LRRTM4: variants seen among roughly 807,000 people sequenced by gnomAD.
The protein encoded by LRRTM4 is leucine rich repeat transmembrane neuronal 4, also known as leucine-rich repeat transmembrane neuronal protein 4.
LRRTM4 carries 25 observed loss-of-function variants against 47.6 expected under a neutral mutation model. The observed-to-expected ratio is 0.53, with a 90% CI of 0.38 to 0.73. The LOEUF is 0.73. LRRTM4 is among the 30% of genes least tolerant of loss of function. The pLI is 0.00. For synonymous variants in LRRTM4, 311 were observed against 269.5 expected (o/e 1.15, Z -1.51); for missense variants, 638 against 713.4 (o/e 0.89, Z 1.20).
At chr2:77,255,096 A>C (rs775949486) in intron 3 of LRRTM4, among the ~76,000 whole-genome samples, 5 of 152,010 alleles carry the variant, frequency 3.3e-5, no homozygotes, top group Non-Finnish European at 7.4e-5. Context: ...ATATATAAAG[A>C]ATATGTGCAT....
At chr2:77,017,402 C>G (rs889299663) in intron 3 of LRRTM4, among the ~76,000 whole-genome samples, 2 of 152,126 alleles carry the variant, frequency 1.3e-5, no homozygotes, top group African/African-American at 4.8e-5. Flanking sequence ...CATACATCTC[C>G]TTTTCCATTT....
At chr2:76,909,428 G>T (rs1464019827) in intron 3 of LRRTM4, among the ~76,000 whole-genome samples, 1 of 151,958 alleles carries the variant, frequency 6.6e-6, no homozygotes, top group African/African-American at 2.4e-5. Context: ...CAGGACATAG[G>T]CATGGGCAAG....
chr2:77,367,580 T>C (rs1672509645), intron 3 of LRRTM4, among the ~76,000 whole-genome samples: 1 of 151,880 alleles, frequency 6.6e-6, no homozygotes, highest in African/African-American at 2.4e-5. Flanking sequence ...TCTTGGAAAC[T>C]GTGTTTCAGT....
In LRRTM4 at chr2:77,522,315, C is replaced by A; in HGVS notation, c.-354G>T. The A allele has an allele frequency of 1.9e-6, 1 of 523,184 alleles. No individual in the cohort carries two copies. The highest frequency in any genetic ancestry group is 3.4e-6 in the Non-Finnish European group (1 of 293,986). The allele number at this position is 523,184 out of a possible 1,614,324, so 32.4% of individuals were successfully genotyped here. On this transcript the variant is annotated 5_prime_UTR_variant, in exon 1 of 4. Coordinates refer to ENST00000409884, the MANE Select transcript of LRRTM4 (RefSeq NM_001134745.3). ...GGCAGCCCTTGTCTAATTCAGAAGGCTTTCCAGAGACTGATGATGCTCAGA... is the reference window on the plus strand; with the variant it reads ...GGCAGCCCTTGTCTAATTCAGAAGGATTTCCAGAGACTGATGATGCTCAGA...
rs566161204 is a variant in LRRTM4, at chr2:77,264,751, G to T, written c.1551+253567C>A. On this transcript the variant is annotated intron_variant, in intron 3 of 3. Transcript: ENST00000409884. The stretch of plus-strand genomic sequence containing the variant: ...AATCTATTCAAACCAACCCTAAAAT[G>T]AGGCCCCTTATATAAACACACAACA... Among the ~76,000 whole-genome samples the T allele has an allele frequency of 6.6e-5, 10 of 152,118 alleles. No individual in the cohort carries two copies. In the East Asian group the frequency reaches 1.6e-3, roughly 24 times the overall value.
chr2:77,498,944 C>T (rs10183593), intron 3 of LRRTM4, among the ~76,000 whole-genome samples: 49,111 of 151,640 alleles, frequency 0.32, 8,121 homozygotes, highest in Middle Eastern at 0.36. Context: ...CAGATCTCTA[C>T]ATAGATTACT....
In LRRTM4 at chr2:77,486,181, C is replaced by T. The variant is rs543690252; in HGVS notation, c.1551+32137G>A. Among the ~76,000 whole-genome samples the T allele has an allele frequency of 3.3e-5, 5 of 152,256 alleles. No homozygotes were observed. In the East Asian group the frequency reaches 9.6e-4, roughly 29 times the overall value. On this transcript the variant is annotated intron_variant, in intron 3 of 3. Coordinates refer to ENST00000409884, the MANE Select transcript of LRRTM4 (RefSeq NM_001134745.3). ...ACTGCTTCACATTGATTGGAATATC[C>T]ATTTCTTTCCAATTCAATAAAGCAT...
chr2:76,908,766 C>T (rs1432894546), intron 3 of LRRTM4, among the ~76,000 whole-genome samples: 1 of 151,930 alleles, frequency 6.6e-6, no homozygotes, highest in Non-Finnish European at 1.5e-5. Flanking sequence ...GAATAAAATA[C>T]CTAGGAATCC....
chr2:76,991,493 T>G (rs1677007677), intron 3 of LRRTM4, among the ~76,000 whole-genome samples: 1 of 151,744 alleles, frequency 6.6e-6, no homozygotes, highest in African/African-American at 2.4e-5. Flanking sequence ...TCTCCAACAC[T>G]GTTATGAACA....
chr2:77,334,294 GA>G (rs1671080720), intron 3 of LRRTM4, among the ~76,000 whole-genome samples: 1 of 152,072 alleles, frequency 6.6e-6, no homozygotes, highest in Non-Finnish European at 1.5e-5. Context: ...GAAATATGAG[GA>G]AATGAGATTT....
chr2:76,786,387 C>CT (rs1157130021), intron 3 of LRRTM4, among the ~76,000 whole-genome samples: 2 of 151,888 alleles, frequency 1.3e-5, no homozygotes, highest in Non-Finnish European at 2.9e-5. Flanking sequence ...ATTGGTCCCC[C>CT]AAGACTCCTA....
At chr2:77,359,523 T>C (rs755251458) in intron 3 of LRRTM4, among the ~76,000 whole-genome samples, 1 of 152,312 alleles carries the variant, frequency 6.6e-6, no homozygotes, top group Non-Finnish European at 1.5e-5. Flanking sequence ...TTCTAATTGA[T>C]AAAAAATGTG....
intron 3 of LRRTM4, among the ~76,000 whole-genome samples, chr2:76,769,430 G>A (rs952766946): frequency 1.3e-5 from 2 of 151,888 alleles, no homozygotes; most frequent in African/African-American, 2.4e-5. Context: ...TTCTCTATTG[G>A]GAGTAGTTGA....
At position 76,748,636 on chromosome 2, in the gene LRRTM4, T is replaced by G. The variant is rs549115336; in HGVS notation, c.*59A>C. 890 of 1,377,882 alleles carry G rather than the reference T, an allele frequency of 6.5e-4. 1 individual carries two copies. The highest frequency in any genetic ancestry group is 1.9e-3 in the Admixed American group (112 of 59,052). The allele number at this position is 1,377,882 out of a possible 1,614,324, so 85.4% of individuals were successfully genotyped here. A position where few individuals can be genotyped will look rare whatever the true frequency, so the allele number is the denominator to read the frequency against. On this transcript the variant is annotated 3_prime_UTR_variant, in exon 4 of 4. Transcript: ENST00000409884. ...GCGATTGTGGACACCCATTCTCCTT[T>G]AAGATGAAGGCCCTCCCTCCCCCCC...
chr2:77,487,730 G>A (rs1226310903), intron 3 of LRRTM4, among the ~76,000 whole-genome samples: 1 of 152,134 alleles, frequency 6.6e-6, no homozygotes, highest in Admixed American at 6.5e-5. Flanking sequence ...CCAGTTCCCC[G>A]GAAATGGAGT....
intron 3 of LRRTM4, among the ~76,000 whole-genome samples, chr2:77,092,295 C>T (rs1224045304): frequency 2.0e-5 from 3 of 152,046 alleles, no homozygotes; most frequent in Admixed American, 6.5e-5. Context: ...ATCCACCTGA[C>T]ATTCACCCCA....
intron 3 of LRRTM4, among the ~76,000 whole-genome samples, chr2:76,999,554 A>G (rs1677339255): frequency 6.6e-6 from 1 of 152,114 alleles, no homozygotes; most frequent in Non-Finnish European, 1.5e-5. Context: ...TAGGCGGGCC[A>G]AAACAGAGAT....
intron 3 of LRRTM4, among the ~76,000 whole-genome samples, chr2:77,117,113 A>G (rs1671408383): frequency 6.6e-6 from 1 of 152,122 alleles, no homozygotes; most frequent in Non-Finnish European, 1.5e-5. Flanking sequence ...TATCCATTTT[A>G]CAGCATGTTT....
chr2:77,418,547 T>G (rs1373305777), intron 3 of LRRTM4, among the ~76,000 whole-genome samples: 1 of 152,184 alleles, frequency 6.6e-6, no homozygotes, highest in Non-Finnish European at 1.5e-5. Context: ...CCAGTGATTC[T>G]CCACTGTTTG....
Sources: gnomAD v4.1 joint callset for allele counts (sites outside exome capture counted in the v4.1 genomes callset) on GRCh38, gnomAD v4.1.1 for gene constraint, MANE v1.5 for transcripts, NCBI Gene and HGNC (gene_info 2026-07-23, HGNC 2026-07-21) for gene names.